UNC13C: variants seen among roughly 807,000 people sequenced by gnomAD.
UNC13C encodes the protein protein unc-13 homolog C.
UNC13C carries 174 observed loss-of-function variants against 245.4 expected under a neutral mutation model. The ratio of observed to expected loss-of-function variants is 0.71; its 90% CI spans 0.63 to 0.80. The LOEUF (loss-of-function observed/expected upper bound fraction) is 0.80. Ranked by LOEUF, UNC13C falls within the 30% of genes least tolerant of loss-of-function variation. The pLI is 0.00. For synonymous variants in UNC13C, 992 were observed against 895.1 expected (o/e 1.11, Z -1.93); for missense variants, 2,829 against 2,602.9 (o/e 1.09, Z -1.89).
At chr15:54,196,930 C>T (rs151292689) in intron 4 of UNC13C, among the ~76,000 whole-genome samples, 2 of 152,070 alleles carry the variant, frequency 1.3e-5, no homozygotes, top group Non-Finnish European at 2.9e-5. Context: ...TCTATTATAT[C>T]ATCACCTCTG....
intron 30 of UNC13C, among the ~76,000 whole-genome samples, chr15:54,613,163 T>C (rs976536341): frequency 6.6e-6 from 1 of 151,908 alleles, no homozygotes; most frequent in Admixed American, 6.6e-5. Flanking sequence ...ATAGCTTTTT[T>C]ACATAATAGC....
intron 24 of UNC13C, among the ~76,000 whole-genome samples, chr15:54,524,659 G>A (rs1347801920): frequency 1.3e-5 from 2 of 152,010 alleles, no homozygotes; most frequent in Non-Finnish European, 2.9e-5. Flanking sequence ...GTTCTGTATC[G>A]GCTCCCAGGA....
At chr15:54,082,268 G>A (rs993282444) in intron 2 of UNC13C, among the ~76,000 whole-genome samples, 1 of 152,140 alleles carries the variant, frequency 6.6e-6, no homozygotes, top group Admixed American at 6.5e-5. Context: ...ATCTTGTATA[G>A]TATCTCGCAG....
the UNC13C span, among the ~76,000 whole-genome samples, chr15:53,924,945 G>C: frequency 1.3e-5 from 2 of 152,150 alleles, no homozygotes; most frequent in African/African-American, 4.8e-5. Flanking sequence ...GTGTTTTCTA[G>C]CCTGCCTATA....
the UNC13C span, among the ~76,000 whole-genome samples, chr15:53,864,620 G>T: frequency 6.6e-6 from 1 of 152,156 alleles, no homozygotes; most frequent in Non-Finnish European, 1.5e-5. Context: ...ACATATTTCA[G>T]ATCTAAGAAA....
At chr15:54,139,924 A>G (rs760291151) in intron 2 of UNC13C, among the ~76,000 whole-genome samples, 22 of 152,296 alleles carry the variant, frequency 1.4e-4, no homozygotes, top group Non-Finnish European at 2.6e-4. Flanking sequence ...CTATTGTCCA[A>G]GCACCATTTA....
intron 16 of UNC13C, among the ~76,000 whole-genome samples, chr15:54,336,225 ACATT>A (rs1394897489): frequency 6.6e-6 from 1 of 152,054 alleles, no homozygotes; most frequent in Non-Finnish European, 1.5e-5. Context: ...AAATGTGTAT[ACATT>A]GCAGAATGGC....
intron 4 of UNC13C, 29 bp from the exon 5 acceptor site, chr15:54,235,001 G>C: frequency 6.3e-7 from 1 of 1,599,516 alleles, no homozygotes; most frequent in Non-Finnish European, 8.6e-7. Flanking sequence ...TTTACCCATT[G>C]CAATTATTGG....
intron 2 of UNC13C, among the ~76,000 whole-genome samples, chr15:54,067,900 G>A (rs1220950916): frequency 6.6e-6 from 1 of 152,160 alleles, no homozygotes; most frequent in Non-Finnish European, 1.5e-5. Context: ...TAAAATTAAG[G>A]AGTTAGAGTA....
intron 17 of UNC13C, among the ~76,000 whole-genome samples, chr15:54,388,248 T>A (rs1332983600): frequency 6.6e-6 from 1 of 152,134 alleles, no homozygotes; most frequent in Non-Finnish European, 1.5e-5. Flanking sequence ...ACTTCAGTAA[T>A]TCTCTTCAAA....
chr15:54,479,291 A>G lies in UNC13C; in HGVS notation c.4934-15317A>G, dbSNP rs115928278. Among the ~76,000 whole-genome samples, 826 of 152,208 alleles carry G rather than the reference A, an allele frequency of 5.4e-3. 7 individuals are homozygous for G. The highest frequency in any genetic ancestry group is 0.019 in the African/African-American group (797 of 41,550). On this transcript the variant is annotated intron_variant, in intron 19 of 32. Coordinates refer to ENST00000260323, the MANE Select transcript of UNC13C (RefSeq NM_001080534.3). ...GGGTGCATATATATTTATGATTGAT[A>G]TATCATCTTGGTAAATTGATCCCTT...
chr15:54,514,907 T>C (rs1249255741), intron 24 of UNC13C, among the ~76,000 whole-genome samples: 1 of 152,060 alleles, frequency 6.6e-6, no homozygotes, highest in African/African-American at 2.4e-5. Context: ...CACAATATCC[T>C]ATGGGCCATG....
intron 2 of UNC13C, among the ~76,000 whole-genome samples, chr15:54,029,808 T>C (rs1896279537): frequency 6.6e-6 from 1 of 152,142 alleles, no homozygotes; most frequent in South Asian, 2.1e-4. Flanking sequence ...CTTGCTCTGA[T>C]TTCAGCTGCA....
chr15:54,509,756 A>C (rs1894652236), intron 23 of UNC13C, among the ~76,000 whole-genome samples: 1 of 152,104 alleles, frequency 6.6e-6, no homozygotes, highest in African/African-American at 2.4e-5. Flanking sequence ...AAACTGTTTC[A>C]TGATTAAATT....
intron 4 of UNC13C, among the ~76,000 whole-genome samples, chr15:54,173,800 A>G (rs1337928304): frequency 6.6e-6 from 1 of 152,174 alleles, no homozygotes; most frequent in East Asian, 1.9e-4. Context: ...AATTTTAAGC[A>G]GAAGCATTCA....
intron 30 of UNC13C, among the ~76,000 whole-genome samples, chr15:54,573,331 C>A (rs1225561812): frequency 6.6e-6 from 1 of 152,010 alleles, no homozygotes; most frequent in Non-Finnish European, 1.5e-5. Context: ...GAATTGAATC[C>A]CATTAGAAAT....
At chr15:54,546,917 A>G in intron 27 of UNC13C, 72 bp downstream of exon 27, 2 of 1,313,896 alleles carry the variant, frequency 1.5e-6, no homozygotes, top group Non-Finnish European at 2.1e-6. Context: ...GTTTTCATCC[A>G]GATGAAATAC....
chr15:54,033,772 C>A (rs920246111), intron 2 of UNC13C, among the ~76,000 whole-genome samples: 1 of 152,080 alleles, frequency 6.6e-6, no homozygotes, highest in Non-Finnish European at 1.5e-5. Context: ...GGATCTAGCA[C>A]CCCTCAGGAA....
At chr15:54,030,910 C>T (rs1896331416) in intron 2 of UNC13C, among the ~76,000 whole-genome samples, 1 of 152,170 alleles carries the variant, frequency 6.6e-6, no homozygotes, top group African/African-American at 2.4e-5. Flanking sequence ...TTACTACCTT[C>T]TAATACTGTT....
Sources: allele counts gnomAD v4.1 joint callset (sites outside exome capture counted in the v4.1 genomes callset), GRCh38; gene constraint gnomAD v4.1.1; transcripts MANE v1.5; gene names NCBI Gene and HGNC (gene_info 2026-07-23, HGNC 2026-07-21).